Variants in EPHB1 observed in about 807,000 individuals in gnomAD.
EPHB1 encodes ephrin type-B receptor 1.
Under a neutral mutation model 94.4 loss-of-function variants are expected in EPHB1, and 30 were observed. The ratio of observed to expected loss-of-function variants is 0.32; its 90% CI spans 0.24 to 0.43. The LOEUF (loss-of-function observed/expected upper bound fraction) is 0.43. Ranked by LOEUF, EPHB1 falls within the 20% of genes least tolerant of loss-of-function variation. EPHB1 has a pLI of 1.00. For missense variants in EPHB1, 1,055 were observed against 1,308.3 expected (o/e 0.81, Z 2.99); for synonymous variants, 522 against 489.1 (o/e 1.07, Z -0.89).
At chr3:135,239,380 T>C (rs1405213566) in intron 12 of EPHB1, among the ~76,000 whole-genome samples, 2 of 152,162 alleles carry the variant, frequency 1.3e-5, no homozygotes, top group Non-Finnish European at 2.9e-5. Flanking sequence ...CTTGAGCAGA[T>C]TGTAAGAATG....
At chr3:134,963,360 G>T (rs1242633103) in intron 3 of EPHB1, among the ~76,000 whole-genome samples, 1 of 152,280 alleles carries the variant, frequency 6.6e-6, no homozygotes, top group East Asian at 1.9e-4. Flanking sequence ...GAATGCTGAT[G>T]CTCTGTTTAC....
chr3:135,052,931 G>GTATATGTGTGTATA (rs1559810919), intron 3 of EPHB1, among the ~76,000 whole-genome samples: 1 of 93,830 alleles, frequency 1.1e-5, no homozygotes, highest in African/African-American at 5.8e-5. Context: ...GTGTGTGTGT[G>GTATATGTGTGTATA]TATATATGTG....
At chr3:135,241,406 T>A in intron 13 of EPHB1, 109 bp downstream of exon 13, 1 of 1,373,648 alleles carries the variant, frequency 7.3e-7, no homozygotes, top group Non-Finnish European at 1.0e-6. Flanking sequence ...AATCTGAACC[T>A]GCAGTGTTCA....
chr3:135,031,907 A>G (rs1936486080), intron 3 of EPHB1, among the ~76,000 whole-genome samples: 3 of 152,030 alleles, frequency 2.0e-5, no homozygotes, highest in Non-Finnish European at 2.9e-5. Context: ...CAAAATTTGA[A>G]TACATTGATT....
chr3:134,880,514 G>A (rs937087487), intron 1 of EPHB1, among the ~76,000 whole-genome samples: 1 of 152,188 alleles, frequency 6.6e-6, no homozygotes, highest in Admixed American at 6.5e-5. Context: ...GCAGCTGCCT[G>A]TTGTCATCCT....
At chr3:135,190,718 GTACTTC>G (rs1576457772) in intron 10 of EPHB1, among the ~76,000 whole-genome samples, 2 of 152,280 alleles carry the variant, frequency 1.3e-5, no homozygotes, top group Admixed American at 6.5e-5. Context: ...TCAAATAGTG[GTACTTC>G]TATTTCTGGA....
At chr3:134,849,225 C>G (rs1414859259) in intron 1 of EPHB1, among the ~76,000 whole-genome samples, 2 of 152,208 alleles carry the variant, frequency 1.3e-5, no homozygotes, top group Non-Finnish European at 2.9e-5. Context: ...TGCTCTCCAC[C>G]TTGAGTTTCC....
intron 12 of EPHB1, among the ~76,000 whole-genome samples, chr3:135,209,998 A>G (rs7615195): frequency 0.075 from 11,387 of 152,234 alleles, 495 homozygotes; most frequent in South Asian, 0.15. Flanking sequence ...GACTCCAAGT[A>G]TCCAGCCTGT....
At chr3:135,145,255 T>C (rs1940972990) in intron 5 of EPHB1, among the ~76,000 whole-genome samples, 1 of 152,236 alleles carries the variant, frequency 6.6e-6, no homozygotes, top group South Asian at 2.1e-4. Context: ...TCTTTGGTCA[T>C]GAGTACTAGT....
At chr3:135,066,115 C>T (rs1233420279) in intron 3 of EPHB1, among the ~76,000 whole-genome samples, 1 of 152,164 alleles carries the variant, frequency 6.6e-6, no homozygotes, top group African/African-American at 2.4e-5. Flanking sequence ...GTGCTTTTGT[C>T]TCACAGCTCT....
At chr3:134,931,026 C>T (rs1033957626) in intron 2 of EPHB1, among the ~76,000 whole-genome samples, 4 of 152,196 alleles carry the variant, frequency 2.6e-5, no homozygotes, top group East Asian at 1.9e-4. Context: ...AAATGAATAA[C>T]GATCATTCTT....
At position 135,179,986 on chromosome 3, in the gene EPHB1, TG is replaced by T; in HGVS notation, c.1882+6del. ...ATTGAAGAGGTCATCGGAGCAGGTA[TG>T]GCTCTTCCCTGTCTTGTTTCTGTTC... On this transcript the variant is annotated splice_donor_5th_base_variant and intron_variant, in intron 10 of 15. Transcript: ENST00000398015. The T allele has an allele frequency of 6.2e-7, 1 of 1,613,702 alleles. No homozygotes were observed. Among genetic ancestry groups the T allele is most frequent in the Non-Finnish European group, 8.5e-7 (1 of 1,179,680 alleles).
At chr3:135,107,222 G>A (rs1360839982) in intron 4 of EPHB1, among the ~76,000 whole-genome samples, 4 of 152,186 alleles carry the variant, frequency 2.6e-5, no homozygotes, top group East Asian at 1.9e-4. Flanking sequence ...TCTAGGGACC[G>A]GAGCTAATGC....
intron 10 of EPHB1, among the ~76,000 whole-genome samples, chr3:135,183,883 G>T (rs556883127): frequency 6.6e-6 from 1 of 152,212 alleles, no homozygotes; most frequent in Non-Finnish European, 1.5e-5. Flanking sequence ...TAGAAAATAG[G>T]TTTCATAGCA....
chr3:135,257,728 A>G (rs1330918997), intron 15 of EPHB1, among the ~76,000 whole-genome samples: 1 of 119,886 alleles, frequency 8.3e-6, no homozygotes. Flanking sequence ...GGCCTCCTTG[A>G]GCTGGGCTCC....
intron 4 of EPHB1, among the ~76,000 whole-genome samples, chr3:135,112,329 T>C (rs567796428): frequency 1.7e-4 from 26 of 152,322 alleles, no homozygotes; most frequent in African/African-American, 6.3e-4. Context: ...GACAGGAATC[T>C]AGTGTTGTAA....
intron 1 of EPHB1, among the ~76,000 whole-genome samples, chr3:134,856,525 G>C (rs1338890517): frequency 6.6e-6 from 1 of 152,176 alleles, no homozygotes; most frequent in Non-Finnish European, 1.5e-5. Context: ...GTATATTTCT[G>C]CCTGCCATCG....
intron 1 of EPHB1, 40 bp downstream of exon 1, chr3:134,795,729 G>A (rs2035811654): frequency 1.3e-6 from 2 of 1,593,570 alleles, no homozygotes; most frequent in Non-Finnish European, 1.7e-6. Context: ...TGCTGGTGCC[G>A]GCCGCCTTGG....
chr3:135,052,884 AAAAAAAATAT>A (rs1937211467), intron 3 of EPHB1, among the ~76,000 whole-genome samples: 1 of 108,304 alleles, frequency 9.2e-6, no homozygotes, highest in African/African-American at 5.1e-5. Context: ...AAAAAAAAAA[AAAAAAAATAT>A]ATATATATAT....
Sources: allele counts gnomAD v4.1 joint callset (sites outside exome capture counted in the v4.1 genomes callset), GRCh38; gene constraint gnomAD v4.1.1; transcripts MANE v1.5; gene names NCBI Gene and HGNC (gene_info 2026-07-23, HGNC 2026-07-21).